CSN2: variants seen among roughly 807,000 people sequenced by gnomAD.
CSN2 encodes the protein casein beta, also known as beta-casein.
CSN2 carries 27 observed loss-of-function variants against 27.3 expected under a neutral mutation model. The ratio of observed to expected loss-of-function variants is 0.99; its 90% CI spans 0.73 to 1.36. CSN2 has a LOEUF of 1.36. Ranked by LOEUF, CSN2 falls within the 40% of genes most tolerant of loss-of-function variation. The probability of loss-of-function intolerance (pLI) is 0.00; values close to 1 mark genes in which losing one functional copy is unlikely to be tolerated. For synonymous variants in CSN2, 131 were observed against 94.8 expected, an observed-to-expected ratio of 1.38 and a Z score of -2.22; for missense variants, 333 against 264.5, an observed-to-expected ratio of 1.26 and a Z score of -1.80.
chr4:69,960,163 TA>T (rs1253192736), intron 2 of CSN2, 84 bp from the exon 3 acceptor site: 11 of 1,284,674 alleles, frequency 8.6e-6, no homozygotes, highest in African/African-American at 1.5e-5. Context: ...AAATTTTCTC[TA>T]AAAAAATAAT....
At chr4:69,959,525 C>T (rs925567188) in intron 3 of CSN2, among the ~76,000 whole-genome samples, 3 of 152,064 alleles carry the variant, frequency 2.0e-5, no homozygotes, top group Non-Finnish European at 2.9e-5. Flanking sequence ...ATCACACACC[C>T]AAGAAGAGTG....
chr4:69,960,050 T>TCTA lies in CSN2; in HGVS notation c.78+2_78+3insTAG. 1.2e-6 allele frequency: 2 copies of TCTA among 1,611,564 alleles called. No homozygotes were observed. The highest frequency in any genetic ancestry group is 1.7e-6 in the Non-Finnish European group (2 of 1,178,464). On this transcript the variant is annotated splice_region_variant and intron_variant, in intron 3 of 7. Coordinates refer to ENST00000353151, the MANE Select transcript of CSN2 (RefSeq NM_001891.4). Reference sequence around the variant, plus strand: ...TCTAAAATTGGGTAGAATGTTAACTTACCTCACTGCTTGAAAGGCTTTCTA... The same window carrying TCTA: ...TCTAAAATTGGGTAGAATGTTAACTTCTAACCTCACTGCTTGAAAGGCTTTCTA...
At position 69,957,443 on chromosome 4, in the gene CSN2, C is replaced by T; in HGVS notation, c.506G>A (p.Trp169Ter). ...CAGGACTTTGGGCTGAGGAACAGAC[C>T]ACAGGGGCTGAGGGGGAAGTGCAAG... ...QTLALPPQPL[W>*]SVPQPKVLPI... Residue 169 changes from tryptophan (W) to a stop codon, truncating the protein, a stop_gained, in exon 6 of 8, where the codon TGG (tryptophan) becomes TAG (stop). Coordinates refer to ENST00000353151, the MANE Select transcript of CSN2 (RefSeq NM_001891.4). LOFTEE classifies it high-confidence loss of function. 1 of 1,613,472 alleles carries T rather than the reference C, an allele frequency of 6.2e-7. No individual in the cohort carries two copies. Among genetic ancestry groups the T allele is most frequent in the Non-Finnish European group, 8.5e-7 (1 of 1,179,888 alleles).
In CSN2 at chr4:69,957,759, G is replaced by C. The variant is rs751623516; in HGVS notation, c.190C>G (p.Leu64Val). ...ATAGGTTCAACGAATGGATAGATCA[G>C]AGGCTGTGGCTGGAAAGAGGGGTAG... The part of the protein sequence containing the change: ...KIYPSFQPQP[L>V]IYPFVEPIPY... The change falls in exon 6 of 8, where the codon CTG becomes GTG. Residue 64 changes from leucine (L) to valine (V), a missense_variant. Coordinates refer to ENST00000353151, the MANE Select transcript of CSN2 (RefSeq NM_001891.4). 2.0e-5 allele frequency: 32 copies of C among 1,613,854 alleles called. No individual in the cohort carries two copies. The highest frequency in any genetic ancestry group is 2.7e-5 in the Non-Finnish European group (32 of 1,179,962).
At chr4:69,961,041 T>C (rs893732101) in intron 1 of CSN2, 34 bp from the exon 2 acceptor site, 3 of 1,482,914 alleles carry the variant, frequency 2.0e-6, no homozygotes, top group Admixed American at 1.7e-5. Flanking sequence ...TGGTGGAAGA[T>C]TGGTCAATTG....
Position 69,958,965 on chromosome 4 carries a change from T to A in CSN2, c.100-12A>T. 6.3e-7 allele frequency: 1 copy of A among 1,590,730 alleles called. No homozygotes were observed. Among genetic ancestry groups the A allele is most frequent in the South Asian group, 1.1e-5 (1 of 88,976 alleles). ...TTCTCAACTTTCTGCTAAAGATATA[T>A]CATATATAAAGATATGTTACCATCT... On this transcript the variant is annotated splice_polypyrimidine_tract_variant and intron_variant, in intron 4 of 7. Coordinates refer to ENST00000353151, the MANE Select transcript of CSN2 (RefSeq NM_001891.4).
At chr4:69,960,016 T>C in intron 3 of CSN2, 37 bp downstream of exon 3, 1 of 1,597,556 alleles carries the variant, frequency 6.3e-7, no homozygotes, top group East Asian at 2.2e-5. Context: ...TAGCACAGGA[T>C]TTTACTGTTC....
intron 3 of CSN2, among the ~76,000 whole-genome samples, chr4:69,959,559 ACTCT>A (rs1327204370): frequency 6.6e-6 from 1 of 151,884 alleles, no homozygotes; most frequent in Non-Finnish European, 1.5e-5. Context: ...TATCTACCTG[ACTCT>A]CTCAGGTAAA....
At position 69,957,290 on chromosome 4, in the gene CSN2, A is replaced by T. The variant is rs1340526718; in HGVS notation, c.659T>A (p.Val220Asp). 3 of 1,565,698 alleles carry T rather than the reference A, an allele frequency of 1.9e-6. No individual in the cohort carries two copies. The highest frequency in any genetic ancestry group is 3.5e-4 in the Middle Eastern group (2 of 5,784). Residue 220 changes from valine to aspartate, a missense_variant, in exon 6 of 8, where the codon GTT (valine) becomes GAT (aspartate). Physicochemically the swap from Val to Asp is radical, Grantham distance 152. Transcript: ENST00000353151. ...TGGACTTACACTAATGGGGTTATGAACTGGGGCAAGTGGCTGAGTCACAGG... is the reference window on the plus strand; with the variant it reads ...TGGACTTACACTAATGGGGTTATGATCTGGGGCAAGTGGCTGAGTCACAGG... ...IYPVTQPLAP[V>D]HNPISV
chr4:69,957,417 G>C lies in CSN2; in HGVS notation c.532C>G (p.Pro178Ala). 6.2e-7 allele frequency: 1 copy of C among 1,613,678 alleles called. No homozygotes were observed. The highest frequency in any genetic ancestry group is 8.5e-7 in the Non-Finnish European group (1 of 1,179,906). The stretch of plus-strand genomic sequence containing the variant: ...TAGGGCACCACTTGCTGGGGGATAG[G>C]CAGGACTTTGGGCTGAGGAACAGAC... ...LWSVPQPKVL[P>A]IPQQVVPYPQ... is the part of the protein sequence containing the mutation. Residue 178 changes from proline (P) to alanine (A), a missense_variant, in exon 6 of 8, where the codon CCT (proline) becomes GCT (alanine). By Grantham distance (27) the Pro-to-Ala change is conservative. Coordinates refer to ENST00000353151, the MANE Select transcript of CSN2 (RefSeq NM_001891.4).
intron 1 of CSN2, among the ~76,000 whole-genome samples, chr4:69,963,783 A>G (rs1214997949): frequency 6.6e-6 from 1 of 152,146 alleles, no homozygotes; most frequent in Non-Finnish European, 1.5e-5. Context: ...AGATTTATTC[A>G]TTAACTTAAA....
At chr4:69,956,069 G>A (rs1723387503) in intron 7 of CSN2, among the ~76,000 whole-genome samples, 1 of 151,828 alleles carries the variant, frequency 6.6e-6, no homozygotes, top group Non-Finnish European at 1.5e-5. Flanking sequence ...TAAGTATATA[G>A]GCCCTTGAAA....
rs1723363454 is a variant in CSN2, at chr4:69,955,314, A to G, written c.*315T>C. ...AAGGAAATAGATTCTTAAAGAAATA[A>G]AAATAAGCACAATTCCAGAAACAAT... On this transcript the variant is annotated 3_prime_UTR_variant, in exon 8 of 8. Coordinates refer to ENST00000353151, the MANE Select transcript of CSN2 (RefSeq NM_001891.4). The G allele has an allele frequency of 6.6e-6, 1 of 152,542 alleles. No homozygotes were observed. Among genetic ancestry groups the G allele is most frequent in the Admixed American group, 6.6e-5 (1 of 15,254 alleles). 9.4% of individuals were successfully genotyped at this position (152,542 alleles called of 1,614,324 possible).
At chr4:69,956,964 G>C (rs1387848988) in intron 6 of CSN2, among the ~76,000 whole-genome samples, 1 of 152,056 alleles carries the variant, frequency 6.6e-6, no homozygotes, top group Non-Finnish European at 1.5e-5. Flanking sequence ...GAGAACACAT[G>C]GACACAGGAA....
At chr4:69,956,499 G>T (rs1723400766) in intron 6 of CSN2, 144 bp from the exon 7 acceptor site, 1 of 539,708 alleles carries the variant, frequency 1.9e-6, no homozygotes, top group Non-Finnish European at 2.7e-6. Context: ...AGTAAGGCTT[G>T]TGTAAAATAA....
chr4:69,963,702 T>G (rs540345649), intron 1 of CSN2, among the ~76,000 whole-genome samples: 53 of 152,046 alleles, frequency 3.5e-4, no homozygotes, highest in South Asian at 1.2e-3. Flanking sequence ...AAACCTGCAC[T>G]TTGTGCACAT....
Position 69,958,955 on chromosome 4 carries a change from T to C in CSN2, c.100-2A>G. 1.3e-6 allele frequency: 2 copies of C among 1,596,350 alleles called. No homozygotes were observed. The highest frequency in any genetic ancestry group is 1.7e-6 in the Non-Finnish European group (2 of 1,167,592). On this transcript the variant is annotated splice_acceptor_variant, in intron 4 of 7. Transcript: ENST00000353151. LOFTEE classifies it high-confidence loss of function. ...ATGTTTAACCTTCTCAACTTTCTGC[T>C]AAAGATATATCATATATAAAGATAT...
chr4:69,965,305 T>C lies in CSN2; in HGVS notation c.-13+376A>G, dbSNP rs560451602. Among the ~76,000 whole-genome samples, 123 of 150,528 alleles carry C rather than the reference T, an allele frequency of 8.2e-4. 1 individual carries two copies. The highest frequency in any genetic ancestry group is 2.9e-3 in the African/African-American group (120 of 41,140). On this transcript the variant is annotated intron_variant, in intron 1 of 7. Transcript: ENST00000353151. ...AATTATTTATCTACCCATACTATAA[T>C]TGAAGTATAATTCTTTTTATAACTG...
At chr4:69,958,824 A>G (rs554892954) in intron 5 of CSN2, 85 bp downstream of exon 5, 5 of 844,098 alleles carry the variant, frequency 5.9e-6, no homozygotes, top group African/African-American at 1.8e-5. Context: ...ATCATTCTTT[A>G]GAATCAACAT....
Sources: gnomAD v4.1 joint callset for allele counts (sites outside exome capture counted in the v4.1 genomes callset) on GRCh38, gnomAD v4.1.1 for gene constraint, MANE v1.5 for transcripts, NCBI Gene and HGNC (gene_info 2026-07-23, HGNC 2026-07-21) for gene names.